Variants in ATP8A2 observed in about 807,000 individuals in gnomAD.
ATP8A2 encodes the protein ATPase phospholipid transporting 8A2.
In ATP8A2, 100 loss-of-function variants were observed where a neutral mutation model predicts 165.6. That is an observed-to-expected ratio of 0.60 (90% CI 0.51 to 0.71). ATP8A2 has a LOEUF of 0.71. ATP8A2 is among the 30% of genes least tolerant of loss of function. The probability of loss-of-function intolerance (pLI) is 0.00; values close to 1 mark genes in which losing one functional copy is unlikely to be tolerated. For synonymous variants in ATP8A2, 543 were observed against 548.8 expected (o/e 0.99, Z 0.15); for missense variants, 1,227 against 1,479.5 (o/e 0.83, Z 2.80).
At chr13:25,927,419 C>G (rs1407415328) in intron 33 of ATP8A2, 1 of 349,850 alleles carries the variant, frequency 2.9e-6, no homozygotes, top group Non-Finnish European at 5.7e-6. Flanking sequence ...CTGCCTGTGT[C>G]AGAATTCTGA....
chr13:25,407,124 G>A (rs1443897651), intron 1 of ATP8A2, among the ~76,000 whole-genome samples: 16 of 152,230 alleles, frequency 1.1e-4, no homozygotes, highest in Admixed American at 1.0e-3. Context: ...GATATTCTCA[G>A]TGTCCACCCA....
chr13:25,901,424 CAT>C lies in ATP8A2; in HGVS notation c.3183+39017_3183+39018del, dbSNP rs368314202. On this transcript the variant is annotated intron_variant, in intron 33 of 36. Coordinates refer to ENST00000381655, the MANE Select transcript of ATP8A2 (RefSeq NM_016529.6). ...TATGTGAAAGAAAAAAAAAAAACCA[CAT>C]GTTACTTAGAATTGGGAAGTTTTGT... is the stretch of plus-strand genomic sequence containing the variant. Among the ~76,000 whole-genome samples, 830 of 150,614 alleles carry C rather than the reference CAT, an allele frequency of 5.5e-3. 7 individuals are homozygous for C. Among genetic ancestry groups the C allele is most frequent in the African/African-American group, 0.019 (792 of 41,158 alleles).
chr13:25,752,406 C>G (rs1190873610), intron 25 of ATP8A2, among the ~76,000 whole-genome samples: 1 of 151,608 alleles, frequency 6.6e-6, no homozygotes, highest in Non-Finnish European at 1.5e-5. Context: ...TGCAGTGAGC[C>G]GAGATCATAC....
In ATP8A2 at chr13:25,839,606, A is replaced by G. The variant is rs772287703; in HGVS notation, c.2938A>G (p.Met980Val). The G allele has an allele frequency of 5.0e-6, 8 of 1,613,884 alleles. No homozygotes were observed. Among genetic ancestry groups the G allele is most frequent in the South Asian group, 4.4e-5 (4 of 91,086 alleles). ...CTCCCTCATCCTCTTCTGGTTTCCC[A>G]TGAAAGCTCTGGAGCATGGTAAGGG... is the stretch of plus-strand genomic sequence containing the variant. ...VHSLILFWFP[M>V]KALEHDTVLT... The change falls in exon 30 of 37, where the codon ATG becomes GTG. Residue 980 changes from methionine to valine, a missense_variant. Coordinates refer to ENST00000381655, the MANE Select transcript of ATP8A2 (RefSeq NM_016529.6).
chr13:25,748,880 T>C (rs1289539328), intron 25 of ATP8A2, among the ~76,000 whole-genome samples: 1 of 152,158 alleles, frequency 6.6e-6, no homozygotes, highest in East Asian at 1.9e-4. Context: ...TTAGTGTTTT[T>C]AGTATTTGTA....
At chr13:25,653,466 A>C (rs1174723317) in intron 24 of ATP8A2, among the ~76,000 whole-genome samples, 1 of 152,194 alleles carries the variant, frequency 6.6e-6, no homozygotes, top group Admixed American at 6.6e-5. Context: ...GGAGAGTGAG[A>C]GGAAGGACAG....
chr13:25,635,471 A>T (rs2137535820), intron 24 of ATP8A2, among the ~76,000 whole-genome samples: 1 of 152,208 alleles, frequency 6.6e-6, no homozygotes, highest in East Asian at 1.9e-4. Flanking sequence ...CCTTTTGGAG[A>T]TTCTCAAATC....
chr13:25,873,258 C>T (rs1173558325), intron 33 of ATP8A2, among the ~76,000 whole-genome samples: 1 of 152,198 alleles, frequency 6.6e-6, no homozygotes, highest in African/African-American at 2.4e-5. Context: ...CAACTGAGCT[C>T]TTAATCTATG....
intron 1 of ATP8A2, among the ~76,000 whole-genome samples, chr13:25,389,474 T>C (rs2033168177): frequency 6.6e-6 from 1 of 152,190 alleles, no homozygotes. Context: ...CCCCTTCTGT[T>C]AGTCAGGGAC....
At chr13:25,687,646 T>G (rs2042630927) in intron 24 of ATP8A2, among the ~76,000 whole-genome samples, 1 of 152,152 alleles carries the variant, frequency 6.6e-6, no homozygotes, top group Admixed American at 6.5e-5. Context: ...TCCTTACTTG[T>G]TGCTTTCTTA....
chr13:25,926,481 C>T (rs958526161), intron 33 of ATP8A2, among the ~76,000 whole-genome samples: 5 of 152,130 alleles, frequency 3.3e-5, no homozygotes. Context: ...AATACATGGA[C>T]GGGGACTCTG....
chr13:25,383,577 C>T (rs1339378900), intron 1 of ATP8A2, among the ~76,000 whole-genome samples: 2 of 152,248 alleles, frequency 1.3e-5, no homozygotes, highest in East Asian at 3.9e-4. Context: ...TTAACTTTAG[C>T]GAAATCCAAC....
intron 2 of ATP8A2, among the ~76,000 whole-genome samples, chr13:25,520,860 C>T (rs2037649074): frequency 6.6e-6 from 1 of 152,090 alleles, no homozygotes; most frequent in South Asian, 2.1e-4. Flanking sequence ...GTGGTCTGCC[C>T]GCCTTGGCCT....
chr13:25,482,119 T>A (rs2036222986), intron 2 of ATP8A2, among the ~76,000 whole-genome samples: 2 of 152,114 alleles, frequency 1.3e-5, no homozygotes, highest in Non-Finnish European at 2.9e-5. Flanking sequence ...TTTTTGGAGG[T>A]ATATATAAAT....
Position 25,962,645 on chromosome 13 carries a change from G to A in ATP8A2, c.3272+982G>A, listed in dbSNP as rs187022258. 3.0e-4 allele frequency among the ~76,000 whole-genome samples: 46 copies of A among 152,222 alleles called. No individual in the cohort carries two copies. In the East Asian group the frequency reaches 5.4e-3, roughly 18 times the overall value. ...CAACTTCTCTGAAAATTGAGACTCC[G>A]AGCTCGGCTTTACTTTGGGCAAAAC... On this transcript the variant is annotated intron_variant, in intron 34 of 36. Coordinates refer to ENST00000381655, the MANE Select transcript of ATP8A2 (RefSeq NM_016529.6).
At chr13:25,685,404 G>T (rs757509562) in intron 24 of ATP8A2, among the ~76,000 whole-genome samples, 4 of 152,182 alleles carry the variant, frequency 2.6e-5, no homozygotes, top group Non-Finnish European at 5.9e-5. Context: ...ATACAATTGT[G>T]AAAGAGTCAG....
At chr13:25,850,055 T>C (rs2138704449) in intron 30 of ATP8A2, among the ~76,000 whole-genome samples, 1 of 152,358 alleles carries the variant, frequency 6.6e-6, no homozygotes, top group Non-Finnish European at 1.5e-5. Flanking sequence ...ATTTCTGAGA[T>C]GGGTAATGCC....
intron 30 of ATP8A2, among the ~76,000 whole-genome samples, chr13:25,859,539 TATAGTC>T (rs886922132): frequency 6.6e-6 from 1 of 151,646 alleles, no homozygotes; most frequent in African/African-American, 2.4e-5. Flanking sequence ...TAGTGGTTGT[TATAGTC>T]ATAGCCATCC....
intron 30 of ATP8A2, among the ~76,000 whole-genome samples, chr13:25,854,056 C>T (rs1228680350): frequency 2.0e-5 from 3 of 152,124 alleles, no homozygotes; most frequent in African/African-American, 4.8e-5. Flanking sequence ...ACTCTTATTA[C>T]GGGGACTGCC....
Sources: allele counts gnomAD v4.1 joint callset (sites outside exome capture counted in the v4.1 genomes callset), GRCh38; gene constraint gnomAD v4.1.1; transcripts MANE v1.5; gene names NCBI Gene and HGNC (gene_info 2026-07-23, HGNC 2026-07-21).